USP26: variants seen among roughly 807,000 people sequenced by gnomAD.
The protein encoded by USP26 is ubiquitin specific peptidase 26.
For synonymous variants in USP26, 236 were observed against 240.6 expected, an observed-to-expected ratio of 0.98 and a Z score of 0.18; for missense variants, 649 against 642.3, an observed-to-expected ratio of 1.01 and a Z score of -0.11.
chrX:133,083,317 G>A (rs1224122929), intron 5 of USP26, among the ~76,000 whole-genome samples: 1 of 112,184 alleles, frequency 8.9e-6, no homozygotes, highest in African/African-American at 3.2e-5. Context: ...AAAAATGAGA[G>A]AGGCTGACAA....
At chrX:133,093,408 A>T (rs1183860177) in intron 1 of USP26, among the ~76,000 whole-genome samples, 2 of 111,781 alleles carry the variant, frequency 1.8e-5, no homozygotes, top group Non-Finnish European at 3.8e-5. Flanking sequence ...ACTATTAGAG[A>T]CACCACGTTT....
chrX:133,051,208 A>G (rs907757461), intron 5 of USP26, among the ~76,000 whole-genome samples: 2 of 111,605 alleles, frequency 1.8e-5, no homozygotes, highest in Non-Finnish European at 1.9e-5. Flanking sequence ...TGATAAAGAC[A>G]GACACGTTTA....
intron 5 of USP26, among the ~76,000 whole-genome samples, chrX:133,058,664 CAT>C (rs1216624199): frequency 9.0e-5 from 10 of 111,447 alleles, no homozygotes; most frequent in Non-Finnish European, 1.7e-4. Context: ...CTTTAGACGA[CAT>C]ATATTTGGGG....
intron 5 of USP26, among the ~76,000 whole-genome samples, chrX:133,046,566 G>A (rs1397756775): frequency 1.8e-5 from 2 of 111,058 alleles, no homozygotes; most frequent in African/African-American, 3.3e-5. Flanking sequence ...CCCTACTTAG[G>A]TGGTCCCTGA....
Position 133,045,344 on chromosome X carries a change from T to TACCAATCAGCTCTCTGTAAAACGG in USP26, c.-76-17049_-76-17048insCCGTTTTACAGAGAGCTGATTGGT, listed in dbSNP as rs1423022431. Among the ~76,000 whole-genome samples, 10 of 111,051 alleles carry TACCAATCAGCTCTCTGTAAAACGG rather than the reference T, an allele frequency of 9.0e-5. 1 individual carries two copies. The highest frequency in any genetic ancestry group is 1.9e-4 in the Admixed American group (2 of 10,526). On this transcript the variant is annotated intron_variant, in intron 5 of 5. Coordinates refer to ENST00000511190, the MANE Select transcript of USP26 (RefSeq NM_031907.3). ...GGACCAATCAGCTCTCTGTAAAACA[T>TACCAATCAGCTCTCTGTAAAACGG]ACCAATCAGCTCTCTGTAAAATGGA...
intron 5 of USP26, among the ~76,000 whole-genome samples, chrX:133,030,383 C>T (rs2067371870): frequency 8.9e-6 from 1 of 111,896 alleles, no homozygotes; most frequent in African/African-American, 3.2e-5. Flanking sequence ...TATTAATTTA[C>T]TAATTCACTC....
chrX:133,058,601 A>C (rs181984337), intron 5 of USP26, among the ~76,000 whole-genome samples: 1 of 111,752 alleles, frequency 8.9e-6, no homozygotes, highest in East Asian at 2.8e-4. Context: ...AGTTAACTCC[A>C]TGTTTCTTTT....
rs1357038053 is a variant in USP26 at position 133,028,095 on chromosome X, GA to G, written c.125del (p.Phe42SerfsTer11). 5 of 1,210,743 alleles carry G rather than the reference GA, an allele frequency of 4.1e-6. No individual in the cohort carries two copies. On this transcript the variant is annotated frameshift_variant, in exon 6 of 6. Transcript: ENST00000511190. LOFTEE classifies it low-confidence loss of function (END_TRUNC). ...RKKKDRLVLY[F>X]KSGKYSTFRL... ...GAAAAGTGCTATATTTTCCACTTTT[GA>G]AATACAGCACCAGTCTATCTTTCTT...
chrX:133,050,293 G>A (rs113395981), intron 5 of USP26, among the ~76,000 whole-genome samples: 3,796 of 111,972 alleles, frequency 0.034, 97 homozygotes, highest in East Asian at 0.097. Context: ...TGAAGGGTGA[G>A]CAACACTTTG....
rs965909986 is a variant in USP26 at position 133,023,906 on chromosome X, T to C, written c.*1573A>G. Among the ~76,000 whole-genome samples the C allele has an allele frequency of 1.8e-5, 2 of 112,048 alleles. No individual in the cohort carries two copies. Among genetic ancestry groups the C allele is most frequent in the Non-Finnish European group, 3.8e-5 (2 of 53,186 alleles). On this transcript the variant is annotated 3_prime_UTR_variant, in exon 6 of 6. Transcript: ENST00000511190. ...ATACCCCATATACAAGGGGGCATAT[T>C]CCTATTGGTAAAGGTGTGACTGAAA...
intron 5 of USP26, among the ~76,000 whole-genome samples, chrX:133,071,198 C>T (rs187881839): frequency 1.7e-3 from 185 of 110,390 alleles, no homozygotes; most frequent in Middle Eastern, 9.2e-3. Context: ...GGCTGGGAAA[C>T]GAGTGAAACT....
intron 5 of USP26, among the ~76,000 whole-genome samples, chrX:133,067,640 G>C (rs768824101): frequency 8.9e-6 from 1 of 112,093 alleles, no homozygotes; most frequent in East Asian, 2.8e-4. Context: ...AACAAACACC[G>C]CATGTTCTCA....
At chrX:133,052,592 T>C (rs990809119) in intron 5 of USP26, among the ~76,000 whole-genome samples, 1 of 112,265 alleles carries the variant, frequency 8.9e-6, no homozygotes, top group African/African-American at 3.2e-5. Flanking sequence ...TTATTTTCAG[T>C]TGGAAAGAGA....
chrX:133,052,991 A>T (rs1197925865), intron 5 of USP26, among the ~76,000 whole-genome samples: 1 of 111,650 alleles, frequency 9.0e-6, no homozygotes, highest in Non-Finnish European at 1.9e-5. Flanking sequence ...GAAAGAAAAT[A>T]CTATATGTGA....
chrX:133,089,894 G>A (rs1299911090), intron 4 of USP26, among the ~76,000 whole-genome samples: 2 of 111,997 alleles, frequency 1.8e-5, no homozygotes, highest in Admixed American at 9.5e-5. Context: ...GGGAGGCTGA[G>A]GTAGGAGGAC....
intron 5 of USP26, among the ~76,000 whole-genome samples, chrX:133,048,173 C>A (rs1279189549): frequency 8.9e-6 from 1 of 111,800 alleles, no homozygotes; most frequent in Non-Finnish European, 1.9e-5. Context: ...TTACCCCCTA[C>A]AGTGCTAAAC....
intron 5 of USP26, among the ~76,000 whole-genome samples, chrX:133,041,089 T>G (rs2067417455): frequency 9.0e-6 from 1 of 110,896 alleles, no homozygotes; most frequent in Non-Finnish European, 1.9e-5. Flanking sequence ...TAGCAGTTCT[T>G]GTAACTTTTT....
intron 5 of USP26, among the ~76,000 whole-genome samples, chrX:133,040,757 G>A (rs1347043241): frequency 2.7e-5 from 3 of 111,553 alleles, no homozygotes. Context: ...GGTTGGGGAA[G>A]TTGTCCACAA....
chrX:133,038,852 T>A (rs1269977336), intron 5 of USP26, among the ~76,000 whole-genome samples: 3 of 112,002 alleles, frequency 2.7e-5, no homozygotes, highest in African/African-American at 9.7e-5. Context: ...TTGTTTTTGG[T>A]CTATTCAGGG....
Sources: allele counts gnomAD v4.1 joint callset (sites outside exome capture counted in the v4.1 genomes callset), GRCh38; gene constraint gnomAD v4.1.1; transcripts MANE v1.5; gene names NCBI Gene and HGNC (gene_info 2026-07-23, HGNC 2026-07-21).